GPR149: variants seen among roughly 807,000 people sequenced by gnomAD.
GPR149 encodes the protein probable G protein-coupled receptor 149.
In GPR149, 50 loss-of-function variants were observed where a neutral mutation model predicts 50.2. That is an observed-to-expected ratio of 1.00 (90% CI 0.79 to 1.26). The LOEUF (loss-of-function observed/expected upper bound fraction) is 1.26. Ranked by LOEUF, GPR149 falls within the 50% of genes most tolerant of loss-of-function variation. The pLI is 0.00. For synonymous variants in GPR149, 405 were observed against 358.2 expected, an observed-to-expected ratio of 1.13 and a Z score of -1.48; for missense variants, 983 against 895.4, an observed-to-expected ratio of 1.10 and a Z score of -1.25.
intron 3 of GPR149, among the ~76,000 whole-genome samples, chr3:154,356,843 T>A (rs1714241510): frequency 6.6e-6 from 1 of 152,230 alleles, no homozygotes; most frequent in South Asian, 2.1e-4. Flanking sequence ...TTAAAGTTCA[T>A]ATGGAACCAA....
At chr3:154,408,090 TATAA>T (rs958644956) in intron 3 of GPR149, among the ~76,000 whole-genome samples, 1 of 152,282 alleles carries the variant, frequency 6.6e-6, no homozygotes, top group Non-Finnish European at 1.5e-5. Context: ...TCCATACTGA[TATAA>T]ATAAATAAAT....
Position 154,380,166 on chromosome 3 carries a change from CAGAGAGAGAGAGAG to C in GPR149, c.1623+40859_1623+40872del, listed in dbSNP as rs57858107. Among the ~76,000 whole-genome samples, 1,102 of 133,688 alleles carry C rather than the reference CAGAGAGAGAGAGAG, an allele frequency of 8.2e-3. 13 individuals are homozygous for C. The highest frequency in any genetic ancestry group is 0.026 in the African/African-American group (913 of 35,654). The allele number at this position is 133,688 out of a possible 152,430, so 87.7% of individuals were successfully genotyped here. A position where few individuals can be genotyped will look rare whatever the true frequency, so the allele number is the denominator to read the frequency against. ...TTTGTGTGTGTGTGTGTGAGAGAGA[CAGAGAGAGAGAGAG>C]AGAGAGAGAGAGAGAGAGAGAGAGA... On this transcript the variant is annotated intron_variant, in intron 3 of 3. Coordinates refer to ENST00000389740, the MANE Select transcript of GPR149 (RefSeq NM_001038705.3).
chr3:154,370,976 C>A (rs1285501659), intron 3 of GPR149, among the ~76,000 whole-genome samples: 1 of 151,982 alleles, frequency 6.6e-6, no homozygotes, highest in East Asian at 1.9e-4. Flanking sequence ...ATTTGTTGTC[C>A]CTAATTAAAG....
chr3:154,358,910 T>C (rs1328478169), intron 3 of GPR149, among the ~76,000 whole-genome samples: 1 of 152,202 alleles, frequency 6.6e-6, no homozygotes, highest in African/African-American at 2.4e-5. Context: ...TTTCTGGTGA[T>C]AGAAATAATA....
intron 3 of GPR149, among the ~76,000 whole-genome samples, chr3:154,358,436 T>C (rs1436566593): frequency 6.6e-6 from 1 of 152,030 alleles, no homozygotes; most frequent in African/African-American, 2.4e-5. Context: ...AATATCTAAG[T>C]ATAAAAGCTC....
chr3:154,339,606 G>A (rs1713738816), intron 3 of GPR149, among the ~76,000 whole-genome samples: 1 of 152,082 alleles, frequency 6.6e-6, no homozygotes, highest in South Asian at 2.1e-4. Flanking sequence ...ATGGGCAGGA[G>A]TCGGGGCAGT....
intron 3 of GPR149, among the ~76,000 whole-genome samples, chr3:154,411,742 G>A (rs1576926823): frequency 6.6e-6 from 1 of 152,030 alleles, no homozygotes; most frequent in Non-Finnish European, 1.5e-5. Flanking sequence ...AGGACCAGAC[G>A]AATTCACAAA....
At chr3:154,375,011 C>T (rs776322777) in intron 3 of GPR149, among the ~76,000 whole-genome samples, 11 of 152,120 alleles carry the variant, frequency 7.2e-5, no homozygotes, top group Non-Finnish European at 1.2e-4. Flanking sequence ...AGGTTTGTTC[C>T]TGAAAATTCA....
chr3:154,382,878 G>A (rs1026111087), intron 3 of GPR149, among the ~76,000 whole-genome samples: 4 of 152,134 alleles, frequency 2.6e-5, no homozygotes, highest in African/African-American at 7.2e-5. Context: ...CAGTGAATTA[G>A]TCATTCAAAA....
At chr3:154,427,744 AT>A in intron 1 of GPR149, 36 bp from the exon 2 acceptor site, 1 of 1,573,186 alleles carries the variant, frequency 6.4e-7, no homozygotes. Context: ...CTAACCTAAA[AT>A]TATACTTTGT....
chr3:154,426,375 C>T (rs1260840561), intron 2 of GPR149, among the ~76,000 whole-genome samples: 1 of 152,078 alleles, frequency 6.6e-6, no homozygotes, highest in African/African-American at 2.4e-5. Flanking sequence ...ATAACTTTGT[C>T]GTTGAATTGA....
At chr3:154,403,616 T>C (rs996192874) in intron 3 of GPR149, among the ~76,000 whole-genome samples, 3 of 152,216 alleles carry the variant, frequency 2.0e-5, no homozygotes, top group Non-Finnish European at 4.4e-5. Flanking sequence ...AACACATTGA[T>C]AGGGATCCTC....
At chr3:154,341,010 G>A (rs1385418339) in intron 3 of GPR149, among the ~76,000 whole-genome samples, 1 of 152,086 alleles carries the variant, frequency 6.6e-6, no homozygotes, top group African/African-American at 2.4e-5. Context: ...GTGAGCCATC[G>A]TGCCCGGCCA....
At position 154,388,318 on chromosome 3, in the gene GPR149, A is replaced by G. The variant is rs1337808100; in HGVS notation, c.1623+32721T>C. On this transcript the variant is annotated intron_variant, in intron 3 of 3. Coordinates refer to ENST00000389740, the MANE Select transcript of GPR149 (RefSeq NM_001038705.3). The stretch of plus-strand genomic sequence containing the variant: ...TATATATACACATATATATACACAC[A>G]CACACACACCCTTATGGACTGTAGT... Among the ~76,000 whole-genome samples, 3 of 152,230 alleles carry G rather than the reference A, an allele frequency of 2.0e-5. No individual in the cohort carries two copies. In the East Asian group the frequency reaches 5.8e-4, roughly 29 times the overall value.
At chr3:154,427,314 T>TGAA (rs1193713673) in intron 2 of GPR149, among the ~76,000 whole-genome samples, 1 of 151,544 alleles carries the variant, frequency 6.6e-6, no homozygotes, top group African/African-American at 2.4e-5. Context: ...CTTCATGGGG[T>TGAA]TTTTCAAAAC....
intron 1 of GPR149, 69 bp downstream of exon 1, chr3:154,428,566 G>A (rs1028249934): frequency 6.6e-7 from 1 of 1,509,030 alleles, no homozygotes; most frequent in African/African-American, 1.4e-5. Context: ...AACCGGCGAC[G>A]CCGGTCCCAA....
intron 3 of GPR149, among the ~76,000 whole-genome samples, chr3:154,362,642 A>C (rs1389060800): frequency 6.6e-6 from 1 of 152,218 alleles, no homozygotes; most frequent in Non-Finnish European, 1.5e-5. Context: ...CCAGGTTGCA[A>C]TCAGAATGCA....
At chr3:154,370,182 T>A (rs1714631669) in intron 3 of GPR149, among the ~76,000 whole-genome samples, 1 of 152,150 alleles carries the variant, frequency 6.6e-6, no homozygotes, top group African/African-American at 2.4e-5. Context: ...CTGTAGAAGG[T>A]CAACTTATTT....
At chr3:154,371,959 A>G (rs1714675470) in intron 3 of GPR149, among the ~76,000 whole-genome samples, 2 of 152,064 alleles carry the variant, frequency 1.3e-5, no homozygotes, top group Admixed American at 1.3e-4. Flanking sequence ...AATGAGCTCA[A>G]CTCACGGCAT....
Sources: allele counts gnomAD v4.1 joint callset (sites outside exome capture counted in the v4.1 genomes callset), GRCh38; gene constraint gnomAD v4.1.1; transcripts MANE v1.5; gene names NCBI Gene and HGNC (gene_info 2026-07-23, HGNC 2026-07-21).